CBR4: variants seen among roughly 807,000 people sequenced by gnomAD.
The protein encoded by CBR4 is carbonyl reductase 4, also known as 3-oxoacyl-[acyl-carrier-protein] reductase.
A neutral mutation model predicts 21.0 loss-of-function variants in CBR4; 22 were observed. The observed-to-expected ratio is 1.05, with a 90% CI of 0.75 to 1.50. The LOEUF (loss-of-function observed/expected upper bound fraction) is 1.50, where lower values mean the gene tolerates loss of function less well. Ranked by LOEUF, CBR4 falls within the 40% of genes most tolerant of loss-of-function variation. CBR4 has a pLI of 0.00. For synonymous variants in CBR4, 100 were observed against 104.4 expected (o/e 0.96, Z 0.26); for missense variants, 302 against 286.3 (o/e 1.05, Z -0.40).
chr4:168,970,046 T>G (rs1008438194), intron 2 of CBR4, among the ~76,000 whole-genome samples: 1 of 152,230 alleles, frequency 6.6e-6, no homozygotes, highest in Non-Finnish European at 1.5e-5. Context: ...TTTCCTCTTC[T>G]ATGAAACGCC....
intron 2 of CBR4, among the ~76,000 whole-genome samples, chr4:168,964,845 G>C (rs1165976251): frequency 9.8e-6 from 1 of 102,342 alleles, no homozygotes; most frequent in East Asian, 2.9e-4. Flanking sequence ...AGCACTTTGA[G>C]TTACCATGAA....
At chr4:169,002,936 G>T (rs572731835) in intron 3 of CBR4, among the ~76,000 whole-genome samples, 1 of 152,180 alleles carries the variant, frequency 6.6e-6, no homozygotes, top group East Asian at 1.9e-4. Flanking sequence ...TGTGATCAGT[G>T]ATTCTTGATG....
intron 4 of CBR4, among the ~76,000 whole-genome samples, chr4:168,997,276 A>G (rs528485464): frequency 6.6e-6 from 1 of 152,340 alleles, no homozygotes; most frequent in South Asian, 2.1e-4. Context: ...AACTGAAATG[A>G]CAAGCATTAA....
intron 2 of CBR4, among the ~76,000 whole-genome samples, chr4:168,922,838 G>T (rs900268467): frequency 6.6e-6 from 1 of 152,112 alleles, no homozygotes; most frequent in Non-Finnish European, 1.5e-5. Flanking sequence ...ACCTCAGTGC[G>T]CATCAGCTGG....
At chr4:168,930,961 T>TG (rs1762955929) in intron 2 of CBR4, among the ~76,000 whole-genome samples, 1 of 152,154 alleles carries the variant, frequency 6.6e-6, no homozygotes, top group African/African-American at 2.4e-5. Flanking sequence ...GTGCCTGCTG[T>TG]GGGGCCCAGT....
Position 169,010,154 on chromosome 4 carries a change from G to T in CBR4, c.-65C>A. The T allele has an allele frequency of 7.6e-7, 1 of 1,314,028 alleles. No individual in the cohort carries two copies. Among genetic ancestry groups the T allele is most frequent in the South Asian group, 1.9e-5 (1 of 52,846 alleles). 81.4% of individuals were successfully genotyped at this position (1,314,028 alleles called of 1,614,324 possible). A position where few individuals can be genotyped will look rare whatever the true frequency, so the allele number is the denominator to read the frequency against. On this transcript the variant is annotated 5_prime_UTR_variant, in exon 1 of 5. Coordinates refer to ENST00000306193, the MANE Select transcript of CBR4 (RefSeq NM_032783.5). The stretch of plus-strand genomic sequence containing the variant: ...GGAGCCCCTCTCCAGGTTCCCTCAG[G>T]CTTTTAAACAACCGCGGTTCCAAAA...
chr4:168,955,010 G>GAAAT (rs1314808911), intron 2 of CBR4, among the ~76,000 whole-genome samples: 2 of 152,192 alleles, frequency 1.3e-5, no homozygotes, highest in East Asian at 3.8e-4. Context: ...AAATGAACAA[G>GAAAT]AAATAGAATT....
chr4:168,985,412 GA>G (rs753665092), downstream of CBR4, among the ~76,000 whole-genome samples: 54 of 152,166 alleles, frequency 3.5e-4, 1 homozygote, highest in Non-Finnish European at 3.5e-4. Context: ...TGGTTGTGGA[GA>G]AAAGAGAACG....
chr4:168,996,225 C>T (rs1335644093), intron 4 of CBR4, among the ~76,000 whole-genome samples: 1 of 152,128 alleles, frequency 6.6e-6, no homozygotes, highest in Admixed American at 6.6e-5. Flanking sequence ...ATGAATTCAC[C>T]AATGCTGGTT....
chr4:169,004,110 A>T (rs1730692523), intron 3 of CBR4, among the ~76,000 whole-genome samples: 1 of 152,306 alleles, frequency 6.6e-6, no homozygotes, highest in Admixed American at 6.5e-5. Flanking sequence ...TAAAATAAAA[A>T]AATAAAAAAA....
intron 2 of CBR4, among the ~76,000 whole-genome samples, chr4:168,969,881 G>C (rs550582603): frequency 3.3e-5 from 5 of 152,242 alleles, no homozygotes; most frequent in Admixed American, 3.3e-4. Context: ...AAGATTCATA[G>C]GTAATTCCTG....
At chr4:169,002,640 A>G (rs1416459606) in intron 3 of CBR4, among the ~76,000 whole-genome samples, 1 of 152,208 alleles carries the variant, frequency 6.6e-6, no homozygotes, top group Non-Finnish European at 1.5e-5. Flanking sequence ...TCTCGTTTTC[A>G]CCCTAAAAAC....
intron 2 of CBR4, among the ~76,000 whole-genome samples, chr4:168,949,302 C>T (rs538884312): frequency 9.2e-5 from 14 of 152,238 alleles, no homozygotes; most frequent in East Asian, 1.9e-4. Context: ...ACAATCATAT[C>T]GTCAGCAAAC....
At chr4:168,894,960 A>C (rs1478274023) in intron 2 of CBR4, among the ~76,000 whole-genome samples, 1 of 152,114 alleles carries the variant, frequency 6.6e-6, no homozygotes, top group African/African-American at 2.4e-5. Flanking sequence ...CCTAAGTTTT[A>C]TGCAAAATAA....
At chr4:169,004,372 CATTG>C (rs762176493) in intron 3 of CBR4, among the ~76,000 whole-genome samples, 1 of 152,214 alleles carries the variant, frequency 6.6e-6, no homozygotes, top group Admixed American at 6.5e-5. Context: ...AAATTTGCCA[CATTG>C]ATTGACTCTT....
chr4:168,898,419 T>A (rs746744278), intron 2 of CBR4: 1 of 922,628 alleles, frequency 1.1e-6, no homozygotes, highest in African/African-American at 1.6e-5. Flanking sequence ...TAGGGCCTTA[T>A]TGGGGGGCAG....
At chr4:168,935,085 T>C (rs1308382323) in intron 2 of CBR4, among the ~76,000 whole-genome samples, 1 of 152,184 alleles carries the variant, frequency 6.6e-6, no homozygotes, top group African/African-American at 2.4e-5. Context: ...CCAGCTCATC[T>C]CATTGGGACT....
At chr4:168,981,990 A>C (rs979134222) in intron 2 of CBR4, among the ~76,000 whole-genome samples, 1 of 152,216 alleles carries the variant, frequency 6.6e-6, no homozygotes, top group African/African-American at 2.4e-5. Flanking sequence ...TAACACTATA[A>C]AGCAAATATA....
At chr4:168,936,760 A>T (rs1284206538) in intron 2 of CBR4, among the ~76,000 whole-genome samples, 1 of 152,188 alleles carries the variant, frequency 6.6e-6, no homozygotes, top group Non-Finnish European at 1.5e-5. Flanking sequence ...GAATGAACAA[A>T]GCCTCCAAGA....
Sources: allele counts gnomAD v4.1 joint callset (sites outside exome capture counted in the v4.1 genomes callset), GRCh38; gene constraint gnomAD v4.1.1; transcripts MANE v1.5; gene names NCBI Gene and HGNC (gene_info 2026-07-23, HGNC 2026-07-21).